The following SHANK2 variants were observed in gnomAD, a reference collection of about 807,000 sequenced individuals.
SHANK2 encodes the protein SH3 and multiple ankyrin repeat domains 2.
In SHANK2, 43 loss-of-function variants were observed where a neutral mutation model predicts 133.7. The observed-to-expected ratio is 0.32, with a 90% CI of 0.25 to 0.41. The LOEUF (loss-of-function observed/expected upper bound fraction) is 0.41. SHANK2 is among the 10% of genes least tolerant of loss of function. The probability of loss-of-function intolerance (pLI) is 1.00; values close to 1 mark genes in which losing one functional copy is unlikely to be tolerated. For missense variants in SHANK2, 1,994 were observed against 2,235.8 expected, an observed-to-expected ratio of 0.89 and a Z score of 2.18; for synonymous variants, 1,017 against 952.8, an observed-to-expected ratio of 1.07 and a Z score of -1.24.
At chr11:70,768,929 G>C (rs2135031273) in intron 14 of SHANK2, among the ~76,000 whole-genome samples, 1 of 152,242 alleles carries the variant, frequency 6.6e-6, no homozygotes, top group East Asian at 1.9e-4. Context: ...GGGTGGGGAA[G>C]GCAGGTGTCT....
chr11:70,791,340 A>T (rs1947782488), intron 14 of SHANK2, among the ~76,000 whole-genome samples: 1 of 152,188 alleles, frequency 6.6e-6, no homozygotes, highest in Non-Finnish European at 1.5e-5. Context: ...GAGGACATGC[A>T]TGTAATTAAG....
chr11:70,488,064 G>A (rs1365091123), intron 24 of SHANK2, among the ~76,000 whole-genome samples: 7 of 152,288 alleles, frequency 4.6e-5, no homozygotes, highest in African/African-American at 1.4e-4. Flanking sequence ...TGGGCAGCTC[G>A]CCTTGGGGCT....
In SHANK2 at chr11:71,113,471, C is replaced by T. The variant is rs982849728; in HGVS notation, c.412-107G>A. The T allele has an allele frequency of 1.5e-5, 15 of 971,220 alleles. No individual in the cohort carries two copies. In the African/African-American group the frequency reaches 1.6e-4, roughly 11 times the overall value. 60.2% of individuals were successfully genotyped at this position (971,220 alleles called of 1,614,324 possible). A position where few individuals can be genotyped will look rare whatever the true frequency, so the allele number is the denominator to read the frequency against. Reference sequence around the variant, plus strand: ...GGCTATGTCACAGAAGACGGGGAACCCCACAGCAAACTTCCAGTTTTAAAT... The same window carrying T: ...GGCTATGTCACAGAAGACGGGGAACTCCACAGCAAACTTCCAGTTTTAAAT... On this transcript the variant is annotated intron_variant, in intron 4 of 25. Transcript: ENST00000601538.
intron 15 of SHANK2, among the ~76,000 whole-genome samples, chr11:70,694,370 A>G (rs1945349447): frequency 6.6e-6 from 1 of 152,230 alleles, no homozygotes; most frequent in African/African-American, 2.4e-5. Context: ...TGAGACTCTG[A>G]GCAGTTTTTG....
intron 21 of SHANK2, among the ~76,000 whole-genome samples, chr11:70,493,116 A>T (rs1197019063): frequency 6.7e-6 from 1 of 149,292 alleles, no homozygotes; most frequent in Non-Finnish European, 1.5e-5. Context: ...GATTCTTTCT[A>T]ATGGGATTTA....
chr11:70,760,882 G>A (rs536729179), intron 14 of SHANK2, among the ~76,000 whole-genome samples: 2 of 152,352 alleles, frequency 1.3e-5, no homozygotes, highest in East Asian at 1.9e-4. Flanking sequence ...GCTGGAGGAT[G>A]AGAAGAGCCA....
At chr11:70,770,765 T>A (rs1188490407) in intron 14 of SHANK2, among the ~76,000 whole-genome samples, 1 of 152,090 alleles carries the variant, frequency 6.6e-6, no homozygotes, top group Non-Finnish European at 1.5e-5. Flanking sequence ...AAAGTAACCT[T>A]TCCCCCAGGT....
intron 2 of SHANK2, among the ~76,000 whole-genome samples, chr11:71,169,121 G>A (rs1464410862): frequency 2.0e-5 from 3 of 152,164 alleles, no homozygotes; most frequent in African/African-American, 7.2e-5. Context: ...GCTTTATGGG[G>A]TGAACACAGA....
intron 8 of SHANK2, among the ~76,000 whole-genome samples, chr11:71,085,801 C>T (rs1470040729): frequency 7.3e-5 from 4 of 54,916 alleles, no homozygotes; most frequent in African/African-American, 1.6e-4. Context: ...TATGATACAA[C>T]ATAATATATT....
chr11:70,618,296 G>GAAAAAAAAAAAAAAAAAAAAAAAAAA (rs33915522), intron 17 of SHANK2, among the ~76,000 whole-genome samples: 1 of 112,140 alleles, frequency 8.9e-6, no homozygotes. Flanking sequence ...CTCGGTCTCA[G>GAAAAAAAAAAAAAAAAAAAAAAAAAA]AAAAAAAAAA....
At chr11:71,156,225 C>T (rs1952904509) in intron 2 of SHANK2, among the ~76,000 whole-genome samples, 1 of 152,232 alleles carries the variant, frequency 6.6e-6, no homozygotes, top group Non-Finnish European at 1.5e-5. Context: ...CCTGAGCTGA[C>T]TCCTCCAGTC....
At chr11:70,492,566 CTG>C in intron 21 of SHANK2, 101 bp from the exon 22 acceptor site, 3 of 1,478,840 alleles carry the variant, frequency 2.0e-6, no homozygotes, top group Non-Finnish European at 2.8e-6. Context: ...ACATCCAAAA[CTG>C]TGCAGGGGGC....
chr11:71,175,867 C>T lies in SHANK2; in HGVS notation c.-12-28529G>A, dbSNP rs1306930968. 2.0e-5 allele frequency among the ~76,000 whole-genome samples: 3 copies of T among 152,088 alleles called. No homozygotes were observed. Among genetic ancestry groups the T allele is most frequent in the Non-Finnish European group, 4.4e-5 (3 of 68,012 alleles). On this transcript the variant is annotated intron_variant, in intron 2 of 25. Coordinates refer to ENST00000601538, the MANE Select transcript of SHANK2 (RefSeq NM_012309.5). The surrounding 1 kb of genome is among the most constrained non-coding windows in gnomAD (Gnocchi z 4.2). ...CCCAGGCAAACTCCCAGAGTGGAGG[C>T]GATGGGGCTGAGAACACAGGAAGGC...
At chr11:71,218,801 C>T (rs967632903) in intron 2 of SHANK2, among the ~76,000 whole-genome samples, 1 of 152,244 alleles carries the variant, frequency 6.6e-6, no homozygotes, top group Non-Finnish European at 1.5e-5. Context: ...GCGTAACTAA[C>T]TGGGAAGGAA....
chr11:70,563,289 T>C (rs1434575084), intron 17 of SHANK2, among the ~76,000 whole-genome samples: 5 of 152,226 alleles, frequency 3.3e-5, no homozygotes, highest in Non-Finnish European at 7.3e-5. Context: ...ACCCTTAACT[T>C]ATCACTGCTG....
At chr11:70,764,346 C>A (rs540630696) in intron 14 of SHANK2, among the ~76,000 whole-genome samples, 1 of 147,006 alleles carries the variant, frequency 6.8e-6, no homozygotes, top group South Asian at 2.3e-4. Context: ...TATACATTCA[C>A]CCACTCACCC....
chr11:70,629,413 G>A (rs115519007), intron 17 of SHANK2, among the ~76,000 whole-genome samples: 2,629 of 152,288 alleles, frequency 0.017, 68 homozygotes, highest in African/African-American at 0.06. Context: ...GTGTGGCTCT[G>A]CTGCTGGCCT....
chr11:70,947,094 C>T (rs560851420), intron 10 of SHANK2, among the ~76,000 whole-genome samples: 22 of 150,462 alleles, frequency 1.5e-4, no homozygotes, highest in Non-Finnish European at 2.8e-4. Flanking sequence ...TCTCCCTGTG[C>T]TGACCCCAAT....
At chr11:70,592,214 C>T (rs1345989662) in intron 17 of SHANK2, among the ~76,000 whole-genome samples, 1 of 152,140 alleles carries the variant, frequency 6.6e-6, no homozygotes, top group Non-Finnish European at 1.5e-5. Flanking sequence ...CCTGCTCCGT[C>T]TTCCCTCTGC....
Sources: allele counts gnomAD v4.1 joint callset (sites outside exome capture counted in the v4.1 genomes callset), GRCh38; gene constraint gnomAD v4.1.1; non-coding constraint Gnocchi (gnomAD v3.1); transcripts MANE v1.5; gene names NCBI Gene and HGNC (gene_info 2026-07-23, HGNC 2026-07-21).